The following C1orf52 variants were observed in gnomAD, a reference collection of about 807,000 sequenced individuals.
C1orf52 encodes the protein chromosome 1 open reading frame 52.
Under a neutral mutation model 17.2 loss-of-function variants are expected in C1orf52, and 5 were observed. That is an observed-to-expected ratio of 0.29 (90% CI 0.15 to 0.61). The LOEUF (loss-of-function observed/expected upper bound fraction) is 0.61. Ranked by LOEUF, C1orf52 falls within the 20% of genes least tolerant of loss-of-function variation. C1orf52 has a pLI of 0.85. For synonymous variants in C1orf52, 110 were observed against 88.0 expected (o/e 1.25, Z -1.40); for missense variants, 245 against 234.1 (o/e 1.05, Z -0.30).
intron 2 of C1orf52, among the ~76,000 whole-genome samples, chr1:85,256,462 G>A (rs976970335): frequency 1.3e-5 from 2 of 152,136 alleles, no homozygotes; most frequent in African/African-American, 4.8e-5. Flanking sequence ...ATTTCACAAG[G>A]TGTTGTAATA....
chr1:85,258,239 T>G (rs1028632559), intron 2 of C1orf52, among the ~76,000 whole-genome samples: 1 of 152,214 alleles, frequency 6.6e-6, no homozygotes, highest in African/African-American at 2.4e-5. Flanking sequence ...TAATGCATCA[T>G]AAATCTGACC....
Position 85,259,572 on chromosome 1 carries a change from C to T in C1orf52, c.62G>A (p.Gly21Asp), listed in dbSNP as rs566723086. 2.2e-5 allele frequency: 35 copies of T among 1,610,236 alleles called. No individual in the cohort carries two copies. The highest frequency in any genetic ancestry group is 2.6e-5 in the Non-Finnish European group (31 of 1,178,608). ...YFAAYGSSSS[G>D]SSDEEDNIEP... ...GATGTTATCCTCCTCGTCCGAGGAG[C>T]CTGAGCTGCTGCTCCCGTATGCCGC... The change falls in exon 1 of 3, where the codon GGC (glycine) becomes GAC (aspartate). Residue 21 changes from glycine (G) to aspartate (D), a missense_variant. Coordinates refer to ENST00000471115, the MANE Select transcript of C1orf52 (RefSeq NM_198077.4).
In C1orf52 at chr1:85,259,421, A is replaced by T. The variant is rs1660033560; in HGVS notation, c.213T>A (p.Phe71Leu). The change falls in exon 1 of 3, where the codon TTT (phenylalanine) becomes TTA (leucine). Residue 71 changes from phenylalanine (F) to leucine (L), a missense_variant. Coordinates refer to ENST00000471115, the MANE Select transcript of C1orf52 (RefSeq NM_198077.4). ...TCTGTTTGTTGAGCGGATTGTAGAG[A>T]AAGGCCGGGCGAGTCACGCTCCTAA... ...ELFRSVTRPA[F>L]LYNPLNKQID... 6.2e-7 allele frequency: 1 copy of T among 1,613,954 alleles called. No homozygotes were observed. Among genetic ancestry groups the T allele is most frequent in the Non-Finnish European group, 8.5e-7 (1 of 1,179,982 alleles).
At chr1:85,259,215 G>C in intron 1 of C1orf52, 143 bp downstream of exon 1, 2 of 1,212,276 alleles carry the variant, frequency 1.6e-6, no homozygotes, top group Non-Finnish European at 2.3e-6. Flanking sequence ...GGTTTCCCAG[G>C]GCTTGAGGTG....
chr1:85,255,662 G>C (rs924066751), intron 2 of C1orf52, among the ~76,000 whole-genome samples: 1 of 151,918 alleles, frequency 6.6e-6, no homozygotes, highest in African/African-American at 2.4e-5. Context: ...GGCAATAAAA[G>C]GCCAAAGGGC....
intron 2 of C1orf52, among the ~76,000 whole-genome samples, chr1:85,255,077 T>C (rs1659899463): frequency 6.6e-6 from 1 of 152,230 alleles, no homozygotes; most frequent in South Asian, 2.1e-4. Context: ...AAACAATTTT[T>C]TTATTATGGA....
intron 2 of C1orf52, among the ~76,000 whole-genome samples, chr1:85,254,336 A>T (rs942467631): frequency 1.3e-5 from 2 of 152,196 alleles, no homozygotes; most frequent in African/African-American, 4.8e-5. Flanking sequence ...TTCATACAAA[A>T]ACACTGGCTC....
At chr1:85,257,080 G>T (rs1305926488) in intron 2 of C1orf52, among the ~76,000 whole-genome samples, 1 of 152,192 alleles carries the variant, frequency 6.6e-6, no homozygotes, top group Admixed American at 6.5e-5. Context: ...ATTGTGGGAA[G>T]ATCAGAAATC....
chr1:85,258,900 T>A, intron 1 of C1orf52, 178 bp from the exon 2 acceptor site: 2 of 1,430,728 alleles, frequency 1.4e-6, no homozygotes, highest in Non-Finnish European at 1.8e-6. Context: ...GCCAAAGGGT[T>A]CCCTATATGA....
rs1659819562 is a variant in C1orf52, at chr1:85,252,303, A to T, written c.*326T>A. 2 of 274,440 alleles carry T rather than the reference A, an allele frequency of 7.3e-6. No individual in the cohort carries two copies. The highest frequency in any genetic ancestry group is 1.0e-4 in the South Asian group (2 of 19,772). The allele number at this position is 274,440 out of a possible 1,614,324, so 17.0% of individuals were successfully genotyped here. ...ATTACAATATATTTACTTTAAAAAT[A>T]TATTCCTTTATAAAAGGTTTATAAG... is the stretch of plus-strand genomic sequence containing the variant. On this transcript the variant is annotated 3_prime_UTR_variant, in exon 3 of 3. Transcript: ENST00000471115.
At chr1:85,255,344 G>A (rs1659910067) in intron 2 of C1orf52, among the ~76,000 whole-genome samples, 1 of 152,124 alleles carries the variant, frequency 6.6e-6, no homozygotes, top group Non-Finnish European at 1.5e-5. Context: ...GAGGTCAGGA[G>A]ATCGAGACCA....
chr1:85,256,814 A>AAAAAAAAAAAAAAAAG (rs1553178011), intron 2 of C1orf52, among the ~76,000 whole-genome samples: 29 of 108,172 alleles, frequency 2.7e-4, no homozygotes, highest in Non-Finnish European at 4.2e-4. Flanking sequence ...AAAAAAAAAA[A>AAAAAAAAAAAAAAAAG]AAAAGAAAAG....
Position 85,259,639 on chromosome 1 carries a change from C to A in C1orf52, c.-6G>T, listed in dbSNP as rs1660044624. On this transcript the variant is annotated 5_prime_UTR_variant, in exon 1 of 3. Transcript: ENST00000471115. ...TCCTTCTCCTCCGCTGCCATGACGG[C>A]TGCGAGCGACAACCCAGCACTCCGC... is the stretch of plus-strand genomic sequence containing the variant. 4 of 1,538,660 alleles carry A rather than the reference C, an allele frequency of 2.6e-6. No individual in the cohort carries two copies. Among genetic ancestry groups the A allele is most frequent in the Admixed American group, 2.0e-5 (1 of 50,462 alleles).
intron 1 of C1orf52, chr1:85,259,076 G>C (rs1660022173): frequency 7.4e-7 from 1 of 1,345,476 alleles, no homozygotes; most frequent in Non-Finnish European, 9.6e-7. Flanking sequence ...AGCGGGGGGG[G>C]CGGGGGAGTC....
intron 2 of C1orf52, among the ~76,000 whole-genome samples, chr1:85,254,733 T>C (rs1227875206): frequency 6.6e-6 from 1 of 152,224 alleles, no homozygotes; most frequent in Non-Finnish European, 1.5e-5. Context: ...AGCTCCTCTT[T>C]TGAGATTTTC....
rs767267380 is a variant in C1orf52, at chr1:85,252,669, C to T, written c.509G>A (p.Arg170His). The T allele has an allele frequency of 5.8e-5, 93 of 1,613,108 alleles. No homozygotes were observed. The highest frequency in any genetic ancestry group is 2.3e-4 in the South Asian group (21 of 91,016). ...DEKDEHTSKK[R>H]KVEPGEPAKK... is the part of the protein sequence containing the mutation. ...TGCTGGTTCTCCTGGCTCTACTTTG[C>T]GCTTTTTAGAAGTATGCTCATCTTT... The change falls in exon 3 of 3, where the codon CGC (arginine) becomes CAC (histidine). Residue 170 changes from arginine (R) to histidine (H), a missense_variant. Coordinates refer to ENST00000471115, the MANE Select transcript of C1orf52 (RefSeq NM_198077.4).
At chr1:85,259,305 G>A (rs1211006503) in intron 1 of C1orf52, 53 bp downstream of exon 1, 1 of 1,580,714 alleles carries the variant, frequency 6.3e-7, no homozygotes, top group African/African-American at 1.4e-5. Flanking sequence ...GGGCTCAGGA[G>A]AAAGGGGGCG....
Position 85,258,527 on chromosome 1 carries a change from AT to A in C1orf52, c.471del (p.Glu157AspfsTer16). 6.2e-7 allele frequency: 1 copy of A among 1,613,188 alleles called. No individual in the cohort carries two copies. The highest frequency in any genetic ancestry group is 1.1e-5 in the South Asian group (1 of 90,964). ...RLLPEGEETL[E>X]SDDEKDEHTS... Reference sequence around the variant, plus strand: ...ATCGGATTCTGACTTTCCTTACCTGATTCCAACGTCTCCTCCCCTTCTGGTA... The same window carrying A: ...ATCGGATTCTGACTTTCCTTACCTGATCCAACGTCTCCTCCCCTTCTGGTA... On this transcript the variant is annotated frameshift_variant, in exon 2 of 3. Transcript: ENST00000471115. LOFTEE classifies it high-confidence loss of function.
In C1orf52 at chr1:85,251,176, AAC is replaced by A. The variant is rs1162313844; in HGVS notation, c.*1451_*1452del. On this transcript the variant is annotated 3_prime_UTR_variant, in exon 3 of 3. Coordinates refer to ENST00000471115, the MANE Select transcript of C1orf52 (RefSeq NM_198077.4). ...AATTTTATCTTCCACAATGGGGAAAAACAGATTTAAAAAAAAATACTTAGATT... is the reference window on the plus strand; with the variant it reads ...AATTTTATCTTCCACAATGGGGAAAAAGATTTAAAAAAAAATACTTAGATT... 1 of 152,136 alleles carries A rather than the reference AAC, an allele frequency of 6.6e-6. No homozygotes were observed. Among genetic ancestry groups the A allele is most frequent in the African/African-American group, 2.4e-5 (1 of 41,434 alleles). 9.4% of individuals were successfully genotyped at this position (152,136 alleles called of 1,614,324 possible).
Sources: gnomAD v4.1 joint callset for allele counts (sites outside exome capture counted in the v4.1 genomes callset) on GRCh38, gnomAD v4.1.1 for gene constraint, MANE v1.5 for transcripts, NCBI Gene and HGNC (gene_info 2026-07-23, HGNC 2026-07-21) for gene names.